The following CBLB variants were observed in gnomAD, a reference collection of about 807,000 sequenced individuals.
CBLB encodes Cbl proto-oncogene B.
CBLB carries 31 observed loss-of-function variants against 104.9 expected under a neutral mutation model. The observed-to-expected ratio is 0.30, with a 90% CI of 0.22 to 0.40. The LOEUF (loss-of-function observed/expected upper bound fraction) is 0.40, where lower values mean the gene tolerates loss of function less well. CBLB is among the 10% of genes least tolerant of loss of function. CBLB has a pLI of 1.00. For missense variants in CBLB, 1,062 were observed against 1,214.6 expected (o/e 0.87, Z 1.87); for synonymous variants, 440 against 422.6 (o/e 1.04, Z -0.51).
chr3:105,680,669 G>A (rs145344577), intron 16 of CBLB, among the ~76,000 whole-genome samples: 1,566 of 152,318 alleles, frequency 0.01, 16 homozygotes, highest in Middle Eastern at 0.024. Context: ...AGTGGTACTT[G>A]TGAGAAAATG....
At chr3:105,847,102 T>C (rs2090351335) in intron 3 of CBLB, among the ~76,000 whole-genome samples, 1 of 152,064 alleles carries the variant, frequency 6.6e-6, no homozygotes, top group Admixed American at 6.6e-5. Flanking sequence ...GATTCAACTT[T>C]TAACCATGTA....
chr3:105,730,191 C>T (rs2074160691), intron 9 of CBLB, among the ~76,000 whole-genome samples: 1 of 151,618 alleles, frequency 6.6e-6, no homozygotes, highest in African/African-American at 2.4e-5. Flanking sequence ...TGTGTTAGTG[C>T]TGGTAGTACT....
intron 5 of CBLB, among the ~76,000 whole-genome samples, chr3:105,747,787 A>G (rs539740082): frequency 5.9e-4 from 90 of 152,230 alleles, no homozygotes; most frequent in African/African-American, 2.1e-3. Flanking sequence ...CACTTCCATT[A>G]AAGTCCACAC....
At chr3:105,672,340 CT>C (rs1338569516) in intron 17 of CBLB, 1 of 179,816 alleles carries the variant, frequency 5.6e-6, no homozygotes, top group Non-Finnish European at 1.2e-5. Flanking sequence ...AAAATACCTG[CT>C]TATGGTTCTG....
chr3:105,868,455 G>C (rs1022174393), intron 1 of CBLB: 1 of 369,328 alleles, frequency 2.7e-6, no homozygotes, highest in African/African-American at 2.1e-5. Context: ...AGCACCGTCC[G>C]TCTAGGGCGC....
chr3:105,781,192 T>C (rs777545385), intron 3 of CBLB, among the ~76,000 whole-genome samples: 3 of 152,160 alleles, frequency 2.0e-5, no homozygotes, highest in African/African-American at 4.8e-5. Flanking sequence ...TCATCCTGGA[T>C]TCTGTCACCT....
chr3:105,823,316 T>G (rs1451128577), intron 3 of CBLB, among the ~76,000 whole-genome samples: 1 of 152,126 alleles, frequency 6.6e-6, no homozygotes, highest in Non-Finnish European at 1.5e-5. Context: ...ATCTCATAGA[T>G]GCTTCTCTTG....
chr3:105,670,820 C>T (rs1559755811), intron 17 of CBLB: 1 of 159,852 alleles, frequency 6.3e-6, no homozygotes, highest in African/African-American at 2.4e-5. Context: ...GTAAAACAGA[C>T]CTGAAACTTC....
chr3:105,674,290 T>G (rs924428477), intron 17 of CBLB, among the ~76,000 whole-genome samples: 1 of 152,252 alleles, frequency 6.6e-6, no homozygotes, highest in African/African-American at 2.4e-5. Flanking sequence ...TTATAAAGAT[T>G]GTAGTCAACA....
intron 3 of CBLB, among the ~76,000 whole-genome samples, chr3:105,819,488 C>CAA (rs1464453983): frequency 1.6e-5 from 2 of 121,218 alleles, no homozygotes; most frequent in Non-Finnish European, 1.8e-5. Flanking sequence ...CTCCACCTCT[C>CAA]AAAAAAAAAA....
intron 3 of CBLB, among the ~76,000 whole-genome samples, chr3:105,848,296 T>C (rs758931447): frequency 1.1e-4 from 17 of 152,044 alleles, no homozygotes; most frequent in Non-Finnish European, 1.6e-4. Flanking sequence ...CTACTAGAAA[T>C]CATTATCTAC....
At chr3:105,800,436 G>T (rs924418109) in intron 3 of CBLB, among the ~76,000 whole-genome samples, 1 of 152,088 alleles carries the variant, frequency 6.6e-6, no homozygotes, top group Non-Finnish European at 1.5e-5. Context: ...ACCATTACCA[G>T]GGCCCATCCT....
intron 5 of CBLB, among the ~76,000 whole-genome samples, chr3:105,747,449 G>T (rs1341433259): frequency 6.6e-6 from 1 of 152,064 alleles, no homozygotes; most frequent in Non-Finnish European, 1.5e-5. Flanking sequence ...GGATAACAAA[G>T]AATGATTTAG....
chr3:105,763,854 A>T (rs1466974442), intron 4 of CBLB, among the ~76,000 whole-genome samples: 1 of 152,212 alleles, frequency 6.6e-6, no homozygotes, highest in Non-Finnish European at 1.5e-5. Context: ...GGTCAGAGTC[A>T]AAGGACTTTG....
At chr3:105,867,665 T>G in intron 1 of CBLB, 74 bp from the exon 2 acceptor site, 1 of 1,297,160 alleles carries the variant, frequency 7.7e-7, no homozygotes, top group South Asian at 1.2e-5. Context: ...AACTAGAGAC[T>G]AACTTGTACC....
intron 3 of CBLB, among the ~76,000 whole-genome samples, chr3:105,789,861 C>T (rs971985474): frequency 2.0e-5 from 3 of 152,160 alleles, no homozygotes; most frequent in African/African-American, 7.2e-5. Flanking sequence ...ATTAATAATC[C>T]TACTTATTAA....
chr3:105,767,282 G>A, intron 4 of CBLB, among the ~76,000 whole-genome samples: 1 of 151,954 alleles, frequency 6.6e-6, no homozygotes, highest in East Asian at 1.9e-4. Context: ...TTTACCTAGA[G>A]GGAAAACTGA....
At chr3:105,793,762 G>C (rs1466982945) in intron 3 of CBLB, among the ~76,000 whole-genome samples, 1 of 152,136 alleles carries the variant, frequency 6.6e-6, no homozygotes, top group Non-Finnish European at 1.5e-5. Flanking sequence ...GAAAATCCGA[G>C]GTGTAGCTGT....
Position 105,658,763 on chromosome 3 carries a change from T to C in CBLB, c.*207A>G, listed in dbSNP as rs2063506788. On this transcript the variant is annotated 3_prime_UTR_variant, in exon 19 of 19. Transcript: ENST00000394030. The stretch of plus-strand genomic sequence containing the variant: ...TGTCAGTTCAACCCTGATTTAAAAA[T>C]ATGGCTAGCAAAAACAAGGAAGCCA... The C allele has an allele frequency of 1.7e-6, 1 of 586,918 alleles. No individual in the cohort carries two copies. The highest frequency in any genetic ancestry group is 2.8e-5 in the East Asian group (1 of 36,304). 36.4% of individuals were successfully genotyped at this position (586,918 alleles called of 1,614,324 possible).
Sources: allele counts gnomAD v4.1 joint callset (sites outside exome capture counted in the v4.1 genomes callset), GRCh38; gene constraint gnomAD v4.1.1; transcripts MANE v1.5; gene names NCBI Gene and HGNC (gene_info 2026-07-23, HGNC 2026-07-21).